The following ANTXR1 variants were observed in gnomAD, a reference collection of about 807,000 sequenced individuals.
The protein encoded by ANTXR1 is anthrax toxin receptor 1.
Under a neutral mutation model 78.1 loss-of-function variants are expected in ANTXR1, and 19 were observed. The ratio of observed to expected loss-of-function variants is 0.24; its 90% CI spans 0.17 to 0.36. ANTXR1 has a LOEUF of 0.36. Ranked by LOEUF, ANTXR1 falls within the 10% of genes least tolerant of loss-of-function variation. ANTXR1 has a pLI of 1.00. For synonymous variants in ANTXR1, 273 were observed against 260.5 expected, an observed-to-expected ratio of 1.05 and a Z score of -0.46; for missense variants, 518 against 718.6, an observed-to-expected ratio of 0.72 and a Z score of 3.19.
intron 1 of ANTXR1, among the ~76,000 whole-genome samples, chr2:69,014,274 T>C (rs1670956619): frequency 6.6e-6 from 1 of 152,234 alleles, no homozygotes; most frequent in East Asian, 1.9e-4. Context: ...GTAGGATGTT[T>C]AGCAGCATCC....
chr2:69,211,847 C>G (rs1322922948), intron 17 of ANTXR1, among the ~76,000 whole-genome samples: 3 of 152,210 alleles, frequency 2.0e-5, no homozygotes, highest in Non-Finnish European at 4.4e-5. Flanking sequence ...AGACTGCCCC[C>G]AAGACGCTAT....
intron 1 of ANTXR1, among the ~76,000 whole-genome samples, chr2:69,015,207 C>A (rs1670986663): frequency 3.8e-5 from 5 of 129,894 alleles, no homozygotes; most frequent in Admixed American, 8.6e-5. Context: ...ACTTTTCAGT[C>A]AAAGTTCTGA....
rs1450867053 is a variant in ANTXR1, at chr2:69,248,184, GCCC to G, written c.*2702_*2704del. 1 of 165,282 alleles carries G rather than the reference GCCC, an allele frequency of 6.1e-6. No individual in the cohort carries two copies. The highest frequency in any genetic ancestry group is 2.5e-5 in the African/African-American group (1 of 40,618). The allele number at this position is 165,282 out of a possible 1,614,324, so 10.2% of individuals were successfully genotyped here. On this transcript the variant is annotated 3_prime_UTR_variant, in exon 18 of 18. Coordinates refer to ENST00000303714, the MANE Select transcript of ANTXR1 (RefSeq NM_032208.3). The stretch of plus-strand genomic sequence containing the variant: ...AAACTGCACAAAATTATTGTTTTCA[GCCC>G]CCGTGTTATTGTCCTTTTGAACTGT...
rs577944950 is a variant in ANTXR1, at chr2:69,078,806, G to A, written c.642+1318G>A. 7.9e-5 allele frequency among the ~76,000 whole-genome samples: 12 copies of A among 152,190 alleles called. No homozygotes were observed. In the East Asian group the frequency reaches 1.4e-3, roughly 17 times the overall value. On this transcript the variant is annotated intron_variant, in intron 8 of 17. Coordinates refer to ENST00000303714, the MANE Select transcript of ANTXR1 (RefSeq NM_032208.3). ...CCACTTCTCTTCCCTATCATATGAC[G>A]GATATTAATGTCAGCTTCCTTTGAT...
At chr2:69,092,317 T>C (rs953463676) in intron 9 of ANTXR1, among the ~76,000 whole-genome samples, 1 of 152,208 alleles carries the variant, frequency 6.6e-6, no homozygotes, top group Non-Finnish European at 1.5e-5. Context: ...TTAGAACAAC[T>C]GAAAGACTTT....
rs142189153 is a variant in ANTXR1 at position 69,080,439 on chromosome 2, A to T, written c.642+2951A>T. Among the ~76,000 whole-genome samples the T allele has an allele frequency of 8.1e-3, 1,234 of 152,368 alleles. 19 individuals are homozygous for T. Among genetic ancestry groups the T allele is most frequent in the African/African-American group, 0.028 (1,181 of 41,586 alleles). The stretch of plus-strand genomic sequence containing the variant: ...TTAATTATCCAAAATAAGATTGCAG[A>T]GCAGCTTCTGATAAGCTCAAATTCT... On this transcript the variant is annotated intron_variant, in intron 8 of 17. Coordinates refer to ENST00000303714, the MANE Select transcript of ANTXR1 (RefSeq NM_032208.3).
At chr2:69,077,581 T>C (rs1670773813) in intron 8 of ANTXR1, 93 bp downstream of exon 8, 7 of 1,340,524 alleles carry the variant, frequency 5.2e-6, no homozygotes, top group Non-Finnish European at 7.5e-6. Flanking sequence ...CAAAGCCTGG[T>C]GTTTTTCTGC....
At position 69,248,211 on chromosome 2, in the gene ANTXR1, G is replaced by T. The variant is rs929679894; in HGVS notation, c.*2726G>T. ...CCCCGTGTTATTGTCCTTTTGAACT[G>T]TTTTTTTTTTTATTAAAGCCAAATT... On this transcript the variant is annotated 3_prime_UTR_variant, in exon 18 of 18. Transcript: ENST00000303714. 1.9e-5 allele frequency: 3 copies of T among 157,666 alleles called. No homozygotes were observed. Among genetic ancestry groups the T allele is most frequent in the East Asian group, 2.0e-4 (1 of 5,016 alleles). The allele number at this position is 157,666 out of a possible 1,614,324, so 9.8% of individuals were successfully genotyped here. A position where few individuals can be genotyped will look rare whatever the true frequency, so the allele number is the denominator to read the frequency against.
chr2:69,075,440 C>T, intron 6 of ANTXR1, 150 bp from the exon 7 acceptor site: 1 of 770,946 alleles, frequency 1.3e-6, no homozygotes, highest in Non-Finnish European at 2.3e-6. Flanking sequence ...TCTGAGCTTC[C>T]TGGGGACAGG....
At chr2:69,120,080 A>G (rs544362846) in intron 10 of ANTXR1, among the ~76,000 whole-genome samples, 4 of 152,328 alleles carry the variant, frequency 2.6e-5, no homozygotes, top group African/African-American at 9.6e-5. Context: ...TAACTTCCCA[A>G]ACATCATCGC....
intron 12 of ANTXR1, among the ~76,000 whole-genome samples, chr2:69,140,290 T>C (rs1227860537): frequency 1.3e-5 from 2 of 152,220 alleles, no homozygotes; most frequent in Admixed American, 1.3e-4. Flanking sequence ...ATATAAGGCA[T>C]AAAGTAATAA....
intron 10 of ANTXR1, among the ~76,000 whole-genome samples, chr2:69,109,332 A>G (rs183212318): frequency 6.6e-6 from 1 of 152,354 alleles, no homozygotes; most frequent in East Asian, 1.9e-4. Flanking sequence ...TTTTATTACA[A>G]TCCAAATGAA....
chr2:69,187,014 A>G (rs983288047), intron 16 of ANTXR1, among the ~76,000 whole-genome samples: 2 of 152,250 alleles, frequency 1.3e-5, no homozygotes, highest in Middle Eastern at 3.2e-3. Context: ...GGTATTGGAA[A>G]GACTCATGGC....
chr2:69,094,176 A>G (rs1051569357), intron 9 of ANTXR1, among the ~76,000 whole-genome samples: 41 of 152,238 alleles, frequency 2.7e-4, no homozygotes, highest in African/African-American at 9.9e-4. Flanking sequence ...TGTGACTTTC[A>G]TTAAGCTAGT....
At chr2:69,172,290 A>T (rs1424324933) in intron 14 of ANTXR1, 8 of 1,229,834 alleles carry the variant, frequency 6.5e-6, no homozygotes, top group Non-Finnish European at 8.4e-6. Context: ...GCTTTTTGGC[A>T]TGTGCTGATT....
chr2:69,164,537 A>G (rs552310177), intron 13 of ANTXR1, among the ~76,000 whole-genome samples: 1 of 152,332 alleles, frequency 6.6e-6, no homozygotes, highest in East Asian at 1.9e-4. Context: ...CCATGTCTTC[A>G]AGAGCTTACA....
chr2:69,073,113 C>G lies in ANTXR1; in HGVS notation c.492+12C>G, dbSNP rs1670619961. On this transcript the variant is annotated intron_variant, in intron 6 of 17. Coordinates refer to ENST00000303714, the MANE Select transcript of ANTXR1 (RefSeq NM_032208.3). ...ATTCAGAGAGGGAGGTAAGCAACGG[C>G]CTGGCTGTGTCTAAACATATACATG... 1.2e-6 allele frequency: 2 copies of G among 1,613,382 alleles called. No individual in the cohort carries two copies. Among genetic ancestry groups the G allele is most frequent in the African/African-American group, 1.3e-5 (1 of 74,898 alleles).
intron 16 of ANTXR1, among the ~76,000 whole-genome samples, chr2:69,183,583 T>TG (rs1558629068): frequency 2.6e-4 from 36 of 139,738 alleles, no homozygotes; most frequent in African/African-American, 1.0e-3. Context: ...TGTTTTTTTT[T>TG]TTTTTTTTTT....
Position 69,013,790 on chromosome 2 carries a change from G to A in ANTXR1, c.152+139G>A, listed in dbSNP as rs896207318. On this transcript the variant is annotated intron_variant, in intron 1 of 17. Transcript: ENST00000303714. This position sits in a 1 kb window ranked among gnomAD's most constrained non-coding sequence, Gnocchi z 5.0. ...ACAGAGGGACCGCGCGGCAGGCGGCGGCGGAGTGCTGCGCCTTTGTTGGGG... is the reference window on the plus strand; with the variant it reads ...ACAGAGGGACCGCGCGGCAGGCGGCAGCGGAGTGCTGCGCCTTTGTTGGGG... 3.4e-5 allele frequency: 48 copies of A among 1,430,600 alleles called. No individual in the cohort carries two copies. Among genetic ancestry groups the A allele is most frequent in the Non-Finnish European group, 4.3e-5 (45 of 1,043,066 alleles). The allele number at this position is 1,430,600 out of a possible 1,614,324, so 88.6% of individuals were successfully genotyped here.
Sources: gnomAD v4.1 joint callset for allele counts (sites outside exome capture counted in the v4.1 genomes callset) on GRCh38, gnomAD v4.1.1 for gene constraint, Gnocchi (gnomAD v3.1) non-coding constraint, MANE v1.5 for transcripts, NCBI Gene and HGNC (gene_info 2026-07-23, HGNC 2026-07-21) for gene names.